Variants in IQCH observed in about 807,000 individuals in gnomAD.
The protein encoded by IQCH is IQ domain-containing protein H.
A neutral mutation model predicts 117.0 loss-of-function variants in IQCH; 98 were observed. That is an observed-to-expected ratio of 0.84 (90% CI 0.71 to 0.99). The LOEUF (loss-of-function observed/expected upper bound fraction) is 0.99, where lower values mean the gene tolerates loss of function less well. IQCH is among the 50% of genes least tolerant of loss of function. The pLI, the probability that IQCH is intolerant of heterozygous loss-of-function variation, is 0.00. For synonymous variants in IQCH, 412 were observed against 448.2 expected (o/e 0.92, Z 1.02); for missense variants, 1,102 against 1,243.8 (o/e 0.89, Z 1.72).
intron 6 of IQCH, among the ~76,000 whole-genome samples, chr15:67,353,792 T>A (rs1969772709): frequency 6.6e-6 from 1 of 152,184 alleles, no homozygotes; most frequent in African/African-American, 2.4e-5. Context: ...GTAGAATTTT[T>A]AAAAAATCAT....
intron 16 of IQCH, among the ~76,000 whole-genome samples, chr15:67,455,257 T>C (rs1050285435): frequency 6.6e-6 from 1 of 152,202 alleles, no homozygotes; most frequent in Non-Finnish European, 1.5e-5. Context: ...AGAGAGGTTC[T>C]TGCTCTCAGT....
intron 4 of IQCH, among the ~76,000 whole-genome samples, chr15:67,290,866 A>G (rs1311084011): frequency 2.6e-5 from 4 of 152,188 alleles, no homozygotes; most frequent in African/African-American, 4.8e-5. Context: ...AATTTAATAT[A>G]GTGGCCTTCC....
At chr15:67,483,715 T>TGA (rs2083399948) in intron 18 of IQCH, among the ~76,000 whole-genome samples, 1 of 152,110 alleles carries the variant, frequency 6.6e-6, no homozygotes, top group Non-Finnish European at 1.5e-5. Context: ...AGCCTGGAGT[T>TGA]CAAAACTGTC....
intron 1 of IQCH, among the ~76,000 whole-genome samples, chr15:67,255,811 A>G (rs1965152543): frequency 6.6e-6 from 1 of 152,170 alleles, no homozygotes; most frequent in South Asian, 2.1e-4. Flanking sequence ...CCCTAAATGT[A>G]CCTTTTCCCA....
In IQCH at chr15:67,424,576, C is replaced by T. The variant is rs2081840496; in HGVS notation, c.2505+2999C>T. Reference sequence around the variant, plus strand: ...TCTGTCCTGGCACAAAGTAGGTATTCAGTAAATATTTGTTGACTGAATGAA... The same window carrying T: ...TCTGTCCTGGCACAAAGTAGGTATTTAGTAAATATTTGTTGACTGAATGAA... On this transcript the variant is annotated intron_variant, in intron 16 of 20. Transcript: ENST00000335894. The surrounding 1 kb of genome is among the most constrained non-coding windows in gnomAD (Gnocchi z 4.9). 6.6e-6 allele frequency among the ~76,000 whole-genome samples: 1 copy of T among 152,164 alleles called. No individual in the cohort carries two copies. Among genetic ancestry groups the T allele is most frequent in the Non-Finnish European group, 1.5e-5 (1 of 68,038 alleles).
Position 67,370,882 on chromosome 15 carries a change from G to A in IQCH, c.754-1229G>A, listed in dbSNP as rs1253971520. On this transcript the variant is annotated intron_variant, in intron 8 of 20. Transcript: ENST00000335894. This position sits in a 1 kb window ranked among gnomAD's most constrained non-coding sequence, Gnocchi z 5.6. ...ATTAATTATTGTGCGGCCCAGGACC[G>A]GAGAAAAGAAAACGCGTGAATAATC... is the stretch of plus-strand genomic sequence containing the variant. Among the ~76,000 whole-genome samples the A allele has an allele frequency of 6.6e-6, 1 of 151,830 alleles. No homozygotes were observed. The highest frequency in any genetic ancestry group is 1.5e-5 in the Non-Finnish European group (1 of 67,970).
At position 67,405,189 on chromosome 15, in the gene IQCH, T is replaced by C. The variant is rs994754751; in HGVS notation, c.2097+4884T>C. ...CTAGATTTTCTAGGTTAAGAAAAAA[T>C]CTAGGTTATTATTTTTTCCAGTCAT... On this transcript the variant is annotated intron_variant, in intron 14 of 20. Coordinates refer to ENST00000335894, the MANE Select transcript of IQCH (RefSeq NM_001031715.3). The surrounding 1 kb of genome is among the most constrained non-coding windows in gnomAD (Gnocchi z 4.8). 34 of 152,276 alleles carry C rather than the reference T, an allele frequency of 2.2e-4. No homozygotes were observed. The highest frequency in any genetic ancestry group is 7.9e-4 in the African/African-American group (33 of 41,570). 9.4% of individuals were successfully genotyped at this position (152,276 alleles called of 1,614,324 possible). A position where few individuals can be genotyped will look rare whatever the true frequency, so the allele number is the denominator to read the frequency against.
rs1482008067 is a variant in IQCH, at chr15:67,493,969, T to C, written c.2862-289T>C. On this transcript the variant is annotated intron_variant, in intron 19 of 20. Coordinates refer to ENST00000335894, the MANE Select transcript of IQCH (RefSeq NM_001031715.3). The surrounding 1 kb of genome is among the most constrained non-coding windows in gnomAD (Gnocchi z 5.1). The stretch of plus-strand genomic sequence containing the variant: ...TGATGGGCTTAAACCATTTTTAAAA[T>C]GAACTCGTACAACATCCTAGCTCAG... Among the ~76,000 whole-genome samples the C allele has an allele frequency of 1.3e-5, 2 of 152,220 alleles. No homozygotes were observed. The highest frequency in any genetic ancestry group is 2.4e-5 in the African/African-American group (1 of 41,448).
At chr15:67,257,369 A>T (rs1236003572) in intron 1 of IQCH, among the ~76,000 whole-genome samples, 1 of 152,218 alleles carries the variant, frequency 6.6e-6, no homozygotes, top group Non-Finnish European at 1.5e-5. Context: ...AAGCAGAGGT[A>T]CTTTAAATTT....
intron 3 of IQCH, among the ~76,000 whole-genome samples, chr15:67,278,187 A>G (rs1249207969): frequency 1.3e-5 from 2 of 152,214 alleles, no homozygotes; most frequent in African/African-American, 4.8e-5. Flanking sequence ...GCTTACCTTC[A>G]TTACAGAGAA....
At chr15:67,326,075 T>A (rs1968394293) in intron 4 of IQCH, among the ~76,000 whole-genome samples, 1 of 152,186 alleles carries the variant, frequency 6.6e-6, no homozygotes, top group Admixed American at 6.5e-5. Flanking sequence ...CATTAACTCG[T>A]CATTTACATT....
intron 3 of IQCH, among the ~76,000 whole-genome samples, chr15:67,275,417 C>A (rs1412780531): frequency 1.3e-5 from 2 of 151,892 alleles, no homozygotes; most frequent in African/African-American, 4.8e-5. Context: ...TCATCCTCAT[C>A]TTTGGGTTCT....
intron 4 of IQCH, among the ~76,000 whole-genome samples, chr15:67,319,039 A>T: frequency 6.6e-6 from 1 of 152,186 alleles, no homozygotes; most frequent in East Asian, 1.9e-4. Flanking sequence ...CATCCTGGCG[A>T]ACATGGTGAA....
intron 1 of IQCH, chr15:67,255,148 C>A: frequency 1.6e-6 from 1 of 611,386 alleles, no homozygotes. Flanking sequence ...CTGTAGGTTA[C>A]GCCCCAGAAG....
Position 67,401,012 on chromosome 15 carries a change from G to T in IQCH, c.2097+707G>T, listed in dbSNP as rs1468450617. On this transcript the variant is annotated intron_variant, in intron 14 of 20. Coordinates refer to ENST00000335894, the MANE Select transcript of IQCH (RefSeq NM_001031715.3). This position sits in a 1 kb window ranked among gnomAD's most constrained non-coding sequence, Gnocchi z 4.7. The stretch of plus-strand genomic sequence containing the variant: ...ATAGAAATTCTATTAGTGAATTGTT[G>T]TCACCTGGAAGCTAATGTATAATAG... 6.6e-6 allele frequency among the ~76,000 whole-genome samples: 1 copy of T among 152,104 alleles called. No individual in the cohort carries two copies. Among genetic ancestry groups the T allele is most frequent in the Admixed American group, 6.5e-5 (1 of 15,270 alleles).
At chr15:67,469,397 T>C (rs2083014933) in intron 17 of IQCH, among the ~76,000 whole-genome samples, 1 of 152,206 alleles carries the variant, frequency 6.6e-6, no homozygotes, top group African/African-American at 2.4e-5. Context: ...GTGTTGCGGA[T>C]GGCTGAAGGA....
At position 67,320,240 on chromosome 15, in the gene IQCH, A is replaced by G. The variant is rs534986044; in HGVS notation, c.388-16735A>G. 5.9e-5 allele frequency among the ~76,000 whole-genome samples: 9 copies of G among 152,372 alleles called. No individual in the cohort carries two copies. In the South Asian group the frequency reaches 1.9e-3, roughly 32 times the overall value. On this transcript the variant is annotated intron_variant, in intron 4 of 20. Coordinates refer to ENST00000335894, the MANE Select transcript of IQCH (RefSeq NM_001031715.3). Reference sequence around the variant, plus strand: ...GTAAATGAGGACCAAACTTTATTTCACTTATGACCCCAGCCAGTATTTAAA... The same window carrying G: ...GTAAATGAGGACCAAACTTTATTTCGCTTATGACCCCAGCCAGTATTTAAA...
At position 67,457,397 on chromosome 15, in the gene IQCH, G is replaced by A. The variant is rs935140613; in HGVS notation, c.2506-7730G>A. 1.3e-5 allele frequency among the ~76,000 whole-genome samples: 2 copies of A among 152,172 alleles called. No individual in the cohort carries two copies. Among genetic ancestry groups the A allele is most frequent in the African/African-American group, 4.8e-5 (2 of 41,424 alleles). ...TCATTTAGTAACTGCCTAAGAAAAC[G>A]TGTTCTGTTTATAATAGCTGGGATT... is the stretch of plus-strand genomic sequence containing the variant. On this transcript the variant is annotated intron_variant, in intron 16 of 20. Transcript: ENST00000335894. This position sits in a 1 kb window ranked among gnomAD's most constrained non-coding sequence, Gnocchi z 5.7.
intron 16 of IQCH, among the ~76,000 whole-genome samples, chr15:67,451,626 G>T (rs576241382): frequency 6.6e-6 from 1 of 152,260 alleles, no homozygotes; most frequent in African/African-American, 2.4e-5. Context: ...CATTTGCTGA[G>T]GAGTGCTTTA....
Sources: allele counts gnomAD v4.1 joint callset (sites outside exome capture counted in the v4.1 genomes callset), GRCh38; gene constraint gnomAD v4.1.1; non-coding constraint Gnocchi (gnomAD v3.1); transcripts MANE v1.5; gene names NCBI Gene and HGNC (gene_info 2026-07-23, HGNC 2026-07-21).